PACRG: variants seen among roughly 807,000 people sequenced by gnomAD.
PACRG encodes the protein parkin coregulated gene protein.
PACRG carries 29 observed loss-of-function variants against 29.7 expected under a neutral mutation model. That is an observed-to-expected ratio of 0.98 (90% CI 0.73 to 1.33). The LOEUF is 1.33. PACRG is among the 40% of genes most tolerant of loss of function. The probability of loss-of-function intolerance (pLI) is 0.00; values close to 1 mark genes in which losing one functional copy is unlikely to be tolerated. For missense variants in PACRG, 279 were observed against 316.2 expected (o/e 0.88, Z 0.89); for synonymous variants, 116 against 118.7 (o/e 0.98, Z 0.15).
intron 4 of PACRG, among the ~76,000 whole-genome samples, chr6:163,181,422 C>CA: frequency 6.6e-6 from 1 of 152,014 alleles, no homozygotes; most frequent in South Asian, 2.1e-4. Flanking sequence ...ATGAAAGAGC[C>CA]AATTCTCCAT....
At chr6:163,314,755 C>T (rs1785579702) in intron 4 of PACRG, 72 bp from the exon 5 acceptor site, 4 of 1,527,008 alleles carry the variant, frequency 2.6e-6, no homozygotes, top group Non-Finnish European at 3.5e-6. Flanking sequence ...AGAGAAAATG[C>T]CTAGACTGTG....
At chr6:162,790,001 A>G (rs1385012723) in intron 1 of PACRG, among the ~76,000 whole-genome samples, 1 of 152,206 alleles carries the variant, frequency 6.6e-6, no homozygotes, top group Admixed American at 6.5e-5. Context: ...CCAAGTACTG[A>G]TTTTAGAACT....
intron 3 of PACRG, among the ~76,000 whole-genome samples, chr6:163,084,010 A>G (rs1414706583): frequency 6.6e-6 from 1 of 151,992 alleles, no homozygotes; most frequent in East Asian, 1.9e-4. Flanking sequence ...ACTTCAAATT[A>G]TTTTTTCCTT....
chr6:163,218,432 C>A (rs143607672), intron 4 of PACRG, among the ~76,000 whole-genome samples: 9 of 152,304 alleles, frequency 5.9e-5, no homozygotes, highest in African/African-American at 2.2e-4. Flanking sequence ...TGCCTCTTCT[C>A]TGCTTCTCTC....
intron 3 of PACRG, among the ~76,000 whole-genome samples, chr6:163,079,187 G>T (rs2128288719): frequency 6.6e-6 from 1 of 152,104 alleles, no homozygotes; most frequent in South Asian, 2.1e-4. Flanking sequence ...TTATATCCTT[G>T]GTTTTCCTTC....
chr6:163,010,415 G>T (rs932270308), intron 2 of PACRG, among the ~76,000 whole-genome samples: 1 of 152,076 alleles, frequency 6.6e-6, no homozygotes, highest in Admixed American at 6.6e-5. Flanking sequence ...GTGAGGAGTG[G>T]GTAGGAGAAT....
At chr6:162,880,049 G>A (rs1793703500) in intron 2 of PACRG, among the ~76,000 whole-genome samples, 1 of 152,178 alleles carries the variant, frequency 6.6e-6, no homozygotes, top group African/African-American at 2.4e-5. Flanking sequence ...GAGAGGCTGA[G>A]CACAGGGGAG....
chr6:162,745,538 C>T (rs1207850674), intron 1 of PACRG, among the ~76,000 whole-genome samples: 1 of 152,056 alleles, frequency 6.6e-6, no homozygotes, highest in Non-Finnish European at 1.5e-5. Context: ...TATCCTGGAA[C>T]TTTAAAATAA....
intron 4 of PACRG, among the ~76,000 whole-genome samples, chr6:163,114,392 G>T (rs967712140): frequency 5.9e-5 from 9 of 151,948 alleles, no homozygotes; most frequent in African/African-American, 2.2e-4. Context: ...TAATCCTTAG[G>T]GTGACCACAA....
At chr6:162,823,578 C>A (rs1475667980) in intron 2 of PACRG, among the ~76,000 whole-genome samples, 1 of 150,670 alleles carries the variant, frequency 6.6e-6, no homozygotes, top group Non-Finnish European at 1.5e-5. Context: ...GTGGTGCAAT[C>A]TCGGCTCACT....
intron 2 of PACRG, among the ~76,000 whole-genome samples, chr6:163,029,863 A>C (rs893384591): frequency 3.3e-5 from 5 of 152,184 alleles, no homozygotes; most frequent in Non-Finnish European, 4.4e-5. Flanking sequence ...GCTGCTGAAC[A>C]AGCTGATTAA....
At chr6:163,029,378 A>C (rs1807447215) in intron 2 of PACRG, among the ~76,000 whole-genome samples, 1 of 152,152 alleles carries the variant, frequency 6.6e-6, no homozygotes, top group African/African-American at 2.4e-5. Context: ...GATGAACCCC[A>C]ACAGCTTCAA....
intron 1 of PACRG, among the ~76,000 whole-genome samples, chr6:162,771,583 T>G (rs1419964875): frequency 1.3e-5 from 2 of 152,088 alleles, no homozygotes; most frequent in Non-Finnish European, 2.9e-5. Flanking sequence ...TTTTGTACTT[T>G]TTTTTTTGGT....
intron 4 of PACRG, among the ~76,000 whole-genome samples, chr6:163,145,835 G>A (rs1035381218): frequency 1.3e-5 from 2 of 152,208 alleles, no homozygotes; most frequent in Admixed American, 6.5e-5. Context: ...CTTTGGGTGT[G>A]TCTAGGGGGC....
At chr6:163,167,928 C>T (rs1037335107) in intron 4 of PACRG, among the ~76,000 whole-genome samples, 12 of 152,318 alleles carry the variant, frequency 7.9e-5, no homozygotes, top group Admixed American at 7.8e-4. Context: ...ATATAACTAT[C>T]ATTCAGATTG....
At chr6:162,933,128 A>T (rs1181237834) in intron 2 of PACRG, among the ~76,000 whole-genome samples, 1 of 152,118 alleles carries the variant, frequency 6.6e-6, no homozygotes, top group Non-Finnish European at 1.5e-5. Context: ...CCCATTTGTC[A>T]TTCAGAAGCA....
chr6:162,841,500 G>A (rs890181039), intron 2 of PACRG, among the ~76,000 whole-genome samples: 1 of 151,690 alleles, frequency 6.6e-6, no homozygotes, highest in African/African-American at 2.4e-5. Flanking sequence ...TTCTTTATTA[G>A]TCTTGCTAGC....
chr6:163,217,541 A>AGGGGTCTCCT (rs1562321873), intron 4 of PACRG, among the ~76,000 whole-genome samples: 3 of 151,996 alleles, frequency 2.0e-5, no homozygotes, highest in African/African-American at 4.8e-5. Context: ...AGGGGTCCCC[A>AGGGGTCTCCT]GCCCCCGGGC....
chr6:163,187,294 A>C (rs1779987250), intron 4 of PACRG, among the ~76,000 whole-genome samples: 1 of 151,920 alleles, frequency 6.6e-6, no homozygotes, highest in South Asian at 2.1e-4. Context: ...CCTCAGTGTC[A>C]CCTTGGACGC....
Sources: gnomAD v4.1 joint callset for allele counts (sites outside exome capture counted in the v4.1 genomes callset) on GRCh38, gnomAD v4.1.1 for gene constraint, MANE v1.5 for transcripts, NCBI Gene and HGNC (gene_info 2026-07-23, HGNC 2026-07-21) for gene names.